The following FLVCR1 variants were observed in gnomAD, a reference collection of about 807,000 sequenced individuals.
FLVCR1 encodes FLVCR choline and heme transporter 1.
In FLVCR1, 34 loss-of-function variants were observed where a neutral mutation model predicts 53.6. The ratio of observed to expected loss-of-function variants is 0.63; its 90% CI spans 0.48 to 0.84. FLVCR1 has a LOEUF of 0.84. Ranked by LOEUF, FLVCR1 falls within the 40% of genes least tolerant of loss-of-function variation. The pLI is 0.00. For missense variants in FLVCR1, 677 were observed against 696.7 expected (o/e 0.97, Z 0.32); for synonymous variants, 300 against 286.3 (o/e 1.05, Z -0.48).
At chr1:212,886,403 A>G (rs1012917243) in intron 5 of FLVCR1, among the ~76,000 whole-genome samples, 37 of 152,158 alleles carry the variant, frequency 2.4e-4, no homozygotes, top group Non-Finnish European at 3.5e-4. Flanking sequence ...AGTTCTTTCC[A>G]ATCAAAAAAT....
chr1:212,877,296 G>T (rs1433446929), intron 3 of FLVCR1, among the ~76,000 whole-genome samples: 1 of 151,886 alleles, frequency 6.6e-6, no homozygotes. Context: ...AACAATAGAT[G>T]TTTATATTAT....
chr1:212,878,283 A>G (rs983353840), intron 3 of FLVCR1, among the ~76,000 whole-genome samples: 1 of 152,136 alleles, frequency 6.6e-6, no homozygotes, highest in African/African-American at 2.4e-5. Flanking sequence ...CGGGCGGATC[A>G]CGAGGTCAGG....
In FLVCR1 at chr1:212,888,544, T is replaced by A; in HGVS notation, c.1363T>A (p.Tyr455Asn). The change falls in exon 7 of 10, where the codon TAC becomes AAC. Residue 455 changes from tyrosine (Y) to asparagine (N), a missense_variant. By Grantham distance (143) the Tyr-to-Asn change is moderately radical. Transcript: ENST00000366971. ...TTTTGAATTTGCTGTTGAAATCACT[T>A]ACCCTGAATCTGAAGGTACTTCATC... ...LGFEFAVEIT[Y>N]PESEGTSSGL... 1.9e-6 allele frequency: 3 copies of A among 1,613,988 alleles called. No homozygotes were observed. Among genetic ancestry groups the A allele is most frequent in the Non-Finnish European group, 2.5e-6 (3 of 1,179,884 alleles).
At chr1:212,860,350 G>GTTTTTTTTTTATTTTTTTTTTTTTTTTT (rs1664187293) in intron 1 of FLVCR1, among the ~76,000 whole-genome samples, 1 of 85,824 alleles carries the variant, frequency 1.2e-5, no homozygotes, top group Non-Finnish European at 2.4e-5. Context: ...TGTGTGTGTG[G>GTTTTTTTTTTATTTTTTTTTTTTTTTTT]TTTTTTTTTT....
chr1:212,876,372 CTTT>C (rs113409098), intron 3 of FLVCR1, among the ~76,000 whole-genome samples: 3 of 143,176 alleles, frequency 2.1e-5, no homozygotes, highest in Admixed American at 7.0e-5. Flanking sequence ...GATCTCATTT[CTTT>C]TTTTTTTTTT....
intron 2 of FLVCR1, among the ~76,000 whole-genome samples, chr1:212,871,451 A>G (rs1238438034): frequency 6.6e-6 from 1 of 152,088 alleles, no homozygotes; most frequent in African/African-American, 2.4e-5. Context: ...CACCTAGGCT[A>G]GAGTGTAGTG....
Position 212,866,185 on chromosome 1 carries a change from A to G in FLVCR1, c.883+2316A>G, listed in dbSNP as rs567273308. 3.8e-4 allele frequency among the ~76,000 whole-genome samples: 58 copies of G among 152,028 alleles called. No homozygotes were observed. In the South Asian group the frequency reaches 0.011, roughly 29 times the overall value. On this transcript the variant is annotated intron_variant, in intron 2 of 9. Coordinates refer to ENST00000366971, the MANE Select transcript of FLVCR1 (RefSeq NM_014053.4). ...TTTTTAGTAGAGACGGGGTTTCACC[A>G]TGTTGGCCAGGCTGGTCTCGAACTT... is the stretch of plus-strand genomic sequence containing the variant.
intron 5 of FLVCR1, among the ~76,000 whole-genome samples, chr1:212,887,200 A>G (rs1453756654): frequency 1.3e-5 from 2 of 152,214 alleles, no homozygotes; most frequent in Non-Finnish European, 2.9e-5. Context: ...TTAGAGTGAA[A>G]CCTACTTGAT....
chr1:212,872,532 A>G (rs1417199038), intron 2 of FLVCR1, 146 bp from the exon 3 acceptor site: 2 of 583,880 alleles, frequency 3.4e-6, no homozygotes, highest in Non-Finnish European at 6.0e-6. Flanking sequence ...GAAAACCCTT[A>G]CCATAAAAGA....
At chr1:212,890,661 G>A (rs1355240417) in intron 8 of FLVCR1, among the ~76,000 whole-genome samples, 4 of 152,118 alleles carry the variant, frequency 2.6e-5, no homozygotes, top group Admixed American at 1.3e-4. Context: ...TCAATCCCCC[G>A]CAGATACCAA....
chr1:212,887,696 G>A (rs1465816071), intron 5 of FLVCR1, among the ~76,000 whole-genome samples, 195 bp from the exon 6 acceptor site: 3 of 151,914 alleles, frequency 2.0e-5, no homozygotes, highest in African/African-American at 7.2e-5. Context: ...TCGATATGGT[G>A]TGGTTTTCTG....
At chr1:212,870,351 G>A (rs1558111552) in intron 2 of FLVCR1, among the ~76,000 whole-genome samples, 2 of 152,270 alleles carry the variant, frequency 1.3e-5, no homozygotes, top group East Asian at 3.9e-4. Flanking sequence ...TTAGAGAATT[G>A]TAGTATTTCA....
chr1:212,893,106 A>C (rs1212710709), intron 8 of FLVCR1, among the ~76,000 whole-genome samples: 12 of 146,968 alleles, frequency 8.2e-5, no homozygotes, highest in African/African-American at 3.0e-4. Context: ...CCCAGGCTGG[A>C]GTGCAGTGGC....
At chr1:212,871,611 C>T (rs41296728) in intron 2 of FLVCR1, among the ~76,000 whole-genome samples, 2 of 152,142 alleles carry the variant, frequency 1.3e-5, no homozygotes, top group Non-Finnish European at 2.9e-5. Flanking sequence ...TAGAGACAGT[C>T]TTGTACAAGT....
intron 6 of FLVCR1, 134 bp downstream of exon 6, chr1:212,888,135 G>GCATATAAACATTCTATGCATATAAA: frequency 1.6e-6 from 1 of 644,986 alleles, no homozygotes; most frequent in South Asian, 1.9e-5. Flanking sequence ...TTCATTCTAT[G>GCATATAAACATTCTATGCATATAAA]CATATAAACA....
chr1:212,871,269 G>A (rs1318889397), intron 2 of FLVCR1, among the ~76,000 whole-genome samples: 1 of 152,084 alleles, frequency 6.6e-6, no homozygotes, highest in Non-Finnish European at 1.5e-5. Context: ...ATTCAATGAA[G>A]TACAGTATTT....
In FLVCR1 at chr1:212,896,860, A is replaced by T. The variant is rs1233524923; in HGVS notation, c.*1570A>T. On this transcript the variant is annotated 3_prime_UTR_variant, in exon 10 of 10. Transcript: ENST00000366971. ...TGGTAAAACCCCATCTCTACTAAAA[A>T]AAAAAAAAAAAAAAAAAAAAAAAAA... 2.8e-5 allele frequency: 3 copies of T among 106,008 alleles called. No individual in the cohort carries two copies. Among genetic ancestry groups the T allele is most frequent in the African/African-American group, 8.7e-5 (2 of 22,896 alleles). The allele number at this position is 106,008 out of a possible 1,614,324, so 6.6% of individuals were successfully genotyped here. A position where few individuals can be genotyped will look rare whatever the true frequency, so the allele number is the denominator to read the frequency against.
chr1:212,871,357 G>A (rs1359076989), intron 2 of FLVCR1, among the ~76,000 whole-genome samples: 1 of 152,138 alleles, frequency 6.6e-6, no homozygotes. Context: ...AATTTCTGCT[G>A]TACCATATTT....
Position 212,888,148 on chromosome 1 carries a change from T to G in FLVCR1, c.1307+147T>G. ...GATTCATTCTATGCATATAAACATG[T>G]AATTCTTAAGAACTATTAAAAATTA... On this transcript the variant is annotated intron_variant, in intron 6 of 9. Coordinates refer to ENST00000366971, the MANE Select transcript of FLVCR1 (RefSeq NM_014053.4). The G allele has an allele frequency of 9.5e-6, 6 of 631,616 alleles. 1 individual carries two copies. In the South Asian group the frequency reaches 1.2e-4, roughly 12 times the overall value. 39.1% of individuals were successfully genotyped at this position (631,616 alleles called of 1,614,324 possible).
Sources: gnomAD v4.1 joint callset for allele counts (sites outside exome capture counted in the v4.1 genomes callset) on GRCh38, gnomAD v4.1.1 for gene constraint, MANE v1.5 for transcripts, NCBI Gene and HGNC (gene_info 2026-07-23, HGNC 2026-07-21) for gene names.